Variants in NR3C2 observed in about 807,000 individuals in gnomAD.
The protein encoded by NR3C2 is nuclear receptor subfamily 3 group C member 2.
In NR3C2, 15 loss-of-function variants were observed where a neutral mutation model predicts 86.4. The ratio of observed to expected loss-of-function variants is 0.17; its 90% confidence interval spans 0.12 to 0.27. The LOEUF (loss-of-function observed/expected upper bound fraction) is 0.27, where lower values mean the gene tolerates loss of function less well. NR3C2 is among the 10% of genes least tolerant of loss of function. The pLI, the probability that NR3C2 is intolerant of heterozygous loss-of-function variation, is 1.00. For missense variants in NR3C2, 960 were observed against 1,195.6 expected (o/e 0.80, Z 2.91); for synonymous variants, 458 against 450.5 (o/e 1.02, Z -0.21).
intron 2 of NR3C2, among the ~76,000 whole-genome samples, chr4:148,409,626 T>C (rs1748595717): frequency 6.6e-6 from 1 of 152,146 alleles, no homozygotes; most frequent in African/African-American, 2.4e-5. Flanking sequence ...CTCCAATTAT[T>C]AAGAATTTCC....
At position 148,290,334 on chromosome 4, in the gene NR3C2, A is replaced by G. The variant is rs181895280; in HGVS notation, c.1758-30217T>C. On this transcript the variant is annotated intron_variant, in intron 2 of 8. Transcript: ENST00000358102. ...CCAAATATAGGTACTGAGAGTTAGG[A>G]CCACAACATACAAATTTGGTGGGGA... is the stretch of plus-strand genomic sequence containing the variant. Among the ~76,000 whole-genome samples the G allele has an allele frequency of 2.5e-3, 381 of 152,292 alleles. 1 individual carries two copies. Among genetic ancestry groups the G allele is most frequent in the East Asian group, 1.5e-3 (8 of 5,180 alleles).
chr4:148,234,681 TA>T (rs76089180), intron 3 of NR3C2, among the ~76,000 whole-genome samples: 3,452 of 73,022 alleles, frequency 0.047, 113 homozygotes, highest in African/African-American at 0.14. Context: ...AGACTCCAAC[TA>T]AAAAAAAAAA....
At chr4:148,425,438 G>A (rs1749479752) in intron 2 of NR3C2, among the ~76,000 whole-genome samples, 1 of 152,180 alleles carries the variant, frequency 6.6e-6, no homozygotes, top group South Asian at 2.1e-4. Context: ...GGCCTCTCTG[G>A]GAGGGTGACA....
chr4:148,248,918 A>T (rs1359648684), intron 3 of NR3C2, among the ~76,000 whole-genome samples: 1 of 152,176 alleles, frequency 6.6e-6, no homozygotes, highest in East Asian at 1.9e-4. Context: ...TATGTGTGTT[A>T]ATTTTTATCT....
intron 2 of NR3C2, among the ~76,000 whole-genome samples, chr4:148,373,170 T>C (rs759355299): frequency 6.6e-6 from 1 of 152,220 alleles, no homozygotes; most frequent in Admixed American, 6.5e-5. Context: ...CCTCCAATGC[T>C]GATGGCACTC....
At chr4:148,445,099 C>A, upstream of NR3C2, 1 of 628,920 alleles carries the variant, frequency 1.6e-6, no homozygotes, top group Non-Finnish European at 2.0e-6. Flanking sequence ...AGCCGCCCTC[C>A]CACTACGGCC....
chr4:148,371,340 C>A (rs868428954), intron 2 of NR3C2, among the ~76,000 whole-genome samples: 23 of 152,224 alleles, frequency 1.5e-4, no homozygotes, highest in Middle Eastern at 6.8e-3. Flanking sequence ...CTTGCCTTTA[C>A]TTTTAATTCT....
intron 6 of NR3C2, among the ~76,000 whole-genome samples, chr4:148,129,424 G>T (rs997313925): frequency 2.0e-5 from 3 of 152,176 alleles, no homozygotes; most frequent in African/African-American, 7.2e-5. Flanking sequence ...AGATGAAAAA[G>T]TTCTGGAGAC....
intron 2 of NR3C2, among the ~76,000 whole-genome samples, chr4:148,360,120 T>C (rs1234383182): frequency 6.6e-6 from 1 of 152,156 alleles, no homozygotes; most frequent in African/African-American, 2.4e-5. Context: ...AAAAGGGATA[T>C]CCTAAGCCAT....
intron 2 of NR3C2, chr4:148,368,272 C>T (rs1002145235): frequency 6.6e-6 from 1 of 152,170 alleles, no homozygotes; most frequent in African/African-American, 2.4e-5. Flanking sequence ...CACCTCTGAG[C>T]CTTTGTACAC....
intron 2 of NR3C2, among the ~76,000 whole-genome samples, chr4:148,352,437 C>A (rs1185860308): frequency 6.8e-6 from 1 of 146,356 alleles, no homozygotes; most frequent in Non-Finnish European, 1.5e-5. Context: ...TCTCCTTGTT[C>A]ATCTAGCCAA....
intron 6 of NR3C2, among the ~76,000 whole-genome samples, chr4:148,130,787 G>GTTTTT (rs1220936053): frequency 2.3e-5 from 3 of 128,456 alleles, no homozygotes; most frequent in Non-Finnish European, 4.9e-5. Context: ...CAATGAACAC[G>GTTTTT]TTTTTTTTTT....
At chr4:148,246,056 G>A (rs1280247959) in intron 3 of NR3C2, among the ~76,000 whole-genome samples, 1 of 151,778 alleles carries the variant, frequency 6.6e-6, no homozygotes, top group Non-Finnish European at 1.5e-5. Context: ...AGAAGCCTAA[G>A]TGTAAGAAAC....
chr4:148,428,775 C>T (rs1749667457), intron 2 of NR3C2, among the ~76,000 whole-genome samples: 1 of 152,124 alleles, frequency 6.6e-6, no homozygotes, highest in Admixed American at 6.5e-5. Context: ...TCCTTCTACA[C>T]AGCTGAAATA....
In NR3C2 at chr4:148,397,845, A is replaced by G. The variant is rs370221054; in HGVS notation, c.1757+37259T>C. ...TGTATTCATTTCCCAGGGCTGACATAAAGTACCATACACGCATTTATTTAG... is the reference window on the plus strand; with the variant it reads ...TGTATTCATTTCCCAGGGCTGACATGAAGTACCATACACGCATTTATTTAG... On this transcript the variant is annotated intron_variant, in intron 2 of 8. Coordinates refer to ENST00000358102, the MANE Select transcript of NR3C2 (RefSeq NM_000901.5). Among the ~76,000 whole-genome samples the G allele has an allele frequency of 3.9e-5, 6 of 152,302 alleles. No individual in the cohort carries two copies. The East Asian group carries it at 1.2e-3, about 29-fold the overall frequency.
chr4:148,169,506 T>TTA (rs1735029771), intron 4 of NR3C2, among the ~76,000 whole-genome samples: 2 of 151,096 alleles, frequency 1.3e-5, no homozygotes, highest in Admixed American at 1.3e-4. Flanking sequence ...TTATGATTTT[T>TTA]TATATATATA....
intron 8 of NR3C2, among the ~76,000 whole-genome samples, chr4:148,102,488 C>G (rs537366572): frequency 1.5e-4 from 23 of 152,314 alleles, no homozygotes; most frequent in African/African-American, 5.3e-4. Flanking sequence ...TGGGCAGGTG[C>G]TACCTTGCCC....
At chr4:148,247,078 A>G (rs1326972112) in intron 3 of NR3C2, among the ~76,000 whole-genome samples, 1 of 152,212 alleles carries the variant, frequency 6.6e-6, no homozygotes, top group Non-Finnish European at 1.5e-5. Context: ...ATTAGTACTT[A>G]TGTAATGGTA....
At chr4:148,334,319 G>C (rs1314385761) in intron 2 of NR3C2, among the ~76,000 whole-genome samples, 2 of 152,210 alleles carry the variant, frequency 1.3e-5, no homozygotes, top group Non-Finnish European at 2.9e-5. Context: ...TAGGTGGGTG[G>C]ATCACCTGAC....
Sources: gnomAD v4.1 joint callset for allele counts (sites outside exome capture counted in the v4.1 genomes callset) on GRCh38, gnomAD v4.1.1 for gene constraint, MANE v1.5 for transcripts, NCBI Gene and HGNC (gene_info 2026-07-23, HGNC 2026-07-21) for gene names.